Variants in FGD4 observed in about 807,000 individuals in gnomAD.
FGD4 encodes the protein FYVE, RhoGEF and PH domain containing 4.
FGD4 carries 42 observed loss-of-function variants against 102.0 expected under a neutral mutation model. The observed-to-expected ratio is 0.41, with a 90% CI of 0.32 to 0.53. The LOEUF (loss-of-function observed/expected upper bound fraction) is 0.53. Among genes scored for constraint, FGD4 ranks in the 20% least tolerant of loss-of-function variants. The pLI, the probability that FGD4 is intolerant of heterozygous loss-of-function variation, is 0.21. For missense variants in FGD4, 902 were observed against 1,078.2 expected (o/e 0.84, Z 2.29); for synonymous variants, 380 against 375.7 (o/e 1.01, Z -0.13).
At chr12:32,591,658 T>C (rs1592326991) in intron 4 of FGD4, among the ~76,000 whole-genome samples, 1 of 152,138 alleles carries the variant, frequency 6.6e-6, no homozygotes, top group South Asian at 2.1e-4. Flanking sequence ...TGAGCTGCAG[T>C]GGGGGCCCTT....
At chr12:32,618,605 GA>G (rs779711728) in intron 10 of FGD4, among the ~76,000 whole-genome samples, 3 of 152,134 alleles carry the variant, frequency 2.0e-5, no homozygotes, top group Admixed American at 2.0e-4. Context: ...GCTGAGGTGA[GA>G]GTATTATTTG....
At chr12:32,624,726 G>C in intron 12 of FGD4, 2 of 646,446 alleles carry the variant, frequency 3.1e-6, no homozygotes, top group East Asian at 5.8e-5. Context: ...TGCCTGCCTC[G>C]GTCTCCCAAA....
In FGD4 at chr12:32,576,432, T is replaced by C. The variant is rs1946133312; in HGVS notation, c.486T>C (p.Ser162=). ...EKPSKVSDLI[S]RFEGGSSLSN... is the part of the protein sequence containing the mutation. ...CCAGTAAGGTATCAGATCTCATCAGTCGCTTTGAAGGAGGCAGGTAAGAGC... is the reference window on the plus strand; with the variant it reads ...CCAGTAAGGTATCAGATCTCATCAGCCGCTTTGAAGGAGGCAGGTAAGAGC... Residue 162 remains serine, a synonymous_variant, in exon 3 of 17, where the codon AGT becomes AGC. Coordinates refer to ENST00000534526, the MANE Select transcript of FGD4 (RefSeq NM_001370298.3). 2.5e-6 allele frequency: 4 copies of C among 1,614,088 alleles called. No homozygotes were observed. The East Asian group carries it at 8.9e-5, about 36-fold the overall frequency.
At chr12:32,583,285 C>T (rs1263312939) in intron 4 of FGD4, among the ~76,000 whole-genome samples, 1 of 152,064 alleles carries the variant, frequency 6.6e-6, no homozygotes, top group Admixed American at 6.6e-5. Context: ...TGTAATGAGC[C>T]ATGATTGTGC....
At chr12:32,511,968 CCCT>C (rs1939418371) in intron 1 of FGD4, 1 of 151,768 alleles carries the variant, frequency 6.6e-6, no homozygotes, top group Non-Finnish European at 1.5e-5. Context: ...TGATTCTTCC[CCCT>C]ATTTAAAAAA....
rs1275349308 is a variant in FGD4 at position 32,582,208 on chromosome 12, C to T, written c.752C>T (p.Thr251Ile). Reference protein sequence around the residue: ...EEKAATLSSDTSIQASEPLLD... With the variant: ...EEKAATLSSDISIQASEPLLD... ...AAAGCTGCCACTCTTAGCTCAGATA[C>T]TTCTATTCAAGCTTCTGAACCCTTG... Residue 251 changes from threonine (T) to isoleucine (I), a missense_variant, in exon 4 of 17, where the codon ACT becomes ATT. Coordinates refer to ENST00000534526, the MANE Select transcript of FGD4 (RefSeq NM_001370298.3). The T allele has an allele frequency of 4.3e-6, 7 of 1,614,106 alleles. No individual in the cohort carries two copies. The African/African-American group carries it at 9.3e-5, about 22-fold the overall frequency.
intron 6 of FGD4, among the ~76,000 whole-genome samples, chr12:32,601,890 T>G (rs757972287): frequency 6.6e-6 from 1 of 152,160 alleles, no homozygotes; most frequent in Admixed American, 6.5e-5. Flanking sequence ...GCGGATCCCT[T>G]GAGCCCAGGA....
chr12:32,552,944 A>ATTTTTTTTTTTTTTTTTTT (rs71068326), intron 1 of FGD4, among the ~76,000 whole-genome samples: 1 of 123,898 alleles, frequency 8.1e-6, no homozygotes, highest in Non-Finnish European at 1.7e-5. Flanking sequence ...CGCCTGGCTA[A>ATTTTTTTTTTTTTTTTTTT]TTTTTTTTTT....
At chr12:32,409,025 G>A (rs1221941139) in intron 1 of FGD4, among the ~76,000 whole-genome samples, 1 of 152,020 alleles carries the variant, frequency 6.6e-6, no homozygotes, top group Non-Finnish European at 1.5e-5. Flanking sequence ...TGCTCCAAGG[G>A]CACCAAATCA....
At chr12:32,608,820 T>G (rs1227116802) in intron 8 of FGD4, among the ~76,000 whole-genome samples, 1 of 152,214 alleles carries the variant, frequency 6.6e-6, no homozygotes, top group East Asian at 1.9e-4. Flanking sequence ...ATTTCTTGTT[T>G]TCTGTCATAA....
intron 1 of FGD4, chr12:32,511,905 G>C (rs1262989770): frequency 6.6e-6 from 1 of 152,014 alleles, no homozygotes; most frequent in Non-Finnish European, 1.5e-5. Flanking sequence ...AAATTTCCAC[G>C]AAGAGTAAGC....
chr12:32,608,193 G>C, intron 8 of FGD4, 98 bp downstream of exon 8: 3 of 1,474,856 alleles, frequency 2.0e-6, no homozygotes, highest in Non-Finnish European at 2.8e-6. Flanking sequence ...AGCTACTTTA[G>C]TCAAATGTTG....
chr12:32,411,533 C>T (rs779326406), intron 1 of FGD4, among the ~76,000 whole-genome samples: 1 of 151,902 alleles, frequency 6.6e-6, no homozygotes, highest in Non-Finnish European at 1.5e-5. Flanking sequence ...GACTCCGTCT[C>T]ACAACAGCAA....
intron 7 of FGD4, among the ~76,000 whole-genome samples, chr12:32,603,706 A>G (rs1232844627): frequency 7.1e-6 from 1 of 140,794 alleles, no homozygotes; most frequent in Non-Finnish European, 1.6e-5. Context: ...AATGTTTATT[A>G]TTTTTTTTTT....
chr12:32,472,864 G>A (rs1261308339), intron 1 of FGD4, among the ~76,000 whole-genome samples: 1 of 152,158 alleles, frequency 6.6e-6, no homozygotes, highest in Non-Finnish European at 1.5e-5. Flanking sequence ...AATCGACACT[G>A]TATCTAGCTG....
intron 1 of FGD4, among the ~76,000 whole-genome samples, chr12:32,415,414 CTTTTTTTTTTTTTTTT>C (rs34612851): frequency 1.1e-5 from 1 of 89,610 alleles, no homozygotes; most frequent in Non-Finnish European, 2.0e-5. Flanking sequence ...ATCTGTCTCT[CTTTTTTTTTTTTTTTT>C]TTTTTTTTTT....
At chr12:32,592,662 G>A (rs1947579796) in intron 4 of FGD4, among the ~76,000 whole-genome samples, 1 of 152,058 alleles carries the variant, frequency 6.6e-6, no homozygotes, top group Admixed American at 6.5e-5. Context: ...TTATTTATAT[G>A]TAATTCTAAT....
intron 7 of FGD4, among the ~76,000 whole-genome samples, chr12:32,605,086 A>G (rs976419500): frequency 2.6e-5 from 4 of 151,898 alleles, no homozygotes; most frequent in Non-Finnish European, 5.9e-5. Context: ...TTACAGGTAC[A>G]TGCCACTACA....
At chr12:32,551,282 G>GGAAC (rs1943650155) in intron 1 of FGD4, among the ~76,000 whole-genome samples, 1 of 152,126 alleles carries the variant, frequency 6.6e-6, no homozygotes, top group Non-Finnish European at 1.5e-5. Context: ...CAGAGACTAA[G>GGAAC]GAACGCTCCC....
Sources: allele counts gnomAD v4.1 joint callset (sites outside exome capture counted in the v4.1 genomes callset), GRCh38; gene constraint gnomAD v4.1.1; transcripts MANE v1.5; gene names NCBI Gene and HGNC (gene_info 2026-07-23, HGNC 2026-07-21).